Variants in TLN2 observed in about 807,000 individuals in gnomAD.
The protein encoded by TLN2 is talin-2.
Under a neutral mutation model 294.7 loss-of-function variants are expected in TLN2, and 118 were observed. The observed-to-expected ratio is 0.40, with a 90% CI of 0.34 to 0.47. The LOEUF is 0.47. Ranked by LOEUF, TLN2 falls within the 20% of genes least tolerant of loss-of-function variation. TLN2 has a pLI of 0.84. For missense variants in TLN2, 3,083 were observed against 3,282.2 expected (o/e 0.94, Z 1.48); for synonymous variants, 1,431 against 1,304.5 (o/e 1.10, Z -2.09).
intron 5 of TLN2, 51 bp downstream of exon 5, chr15:62,650,232 T>C (rs2052431777): frequency 6.3e-7 from 1 of 1,575,204 alleles, no homozygotes. Context: ...CCCTGGGCCT[T>C]CTTCCATAGA....
chr15:62,683,687 A>G (rs1260297507), intron 11 of TLN2, among the ~76,000 whole-genome samples: 1 of 152,214 alleles, frequency 6.6e-6, no homozygotes, highest in Admixed American at 6.5e-5. Flanking sequence ...ATGGCCGTCA[A>G]AAATCACAGC....
Position 62,739,448 on chromosome 15 carries a change from G to A in TLN2, c.3788G>A (p.Arg1263Gln), listed in dbSNP as rs1298847329. The A allele has an allele frequency of 1.1e-5, 17 of 1,614,158 alleles. No individual in the cohort carries two copies. Among genetic ancestry groups the A allele is most frequent in the Non-Finnish European group, 1.4e-5 (17 of 1,180,024 alleles). The change falls in exon 31 of 59, where the codon CGG (arginine) becomes CAG (glutamine). Residue 1263 changes from arginine to glutamine, a missense_variant. Coordinates refer to ENST00000636159, the MANE Select transcript of TLN2 (RefSeq NM_015059.3). ...GCTGGGGAAGTGGTCCATGCCACCC[G>A]GGGCCAGAGTGGAGAGTTGGCTGCA... ...QSAGEVVHAT[R>Q]GQSGELAAAS...
intron 7 of TLN2, among the ~76,000 whole-genome samples, chr15:62,655,216 AG>A (rs1484929511): frequency 6.6e-6 from 1 of 152,160 alleles, no homozygotes; most frequent in Non-Finnish European, 1.5e-5. Context: ...TTGTGTACTC[AG>A]GTTGCTTATA....
chr15:62,610,383 T>C (rs1055450507), intron 2 of TLN2, among the ~76,000 whole-genome samples: 2 of 152,220 alleles, frequency 1.3e-5, no homozygotes, highest in Admixed American at 1.3e-4. Flanking sequence ...TAACCTTGTT[T>C]TATGTGTGTT....
At chr15:62,790,788 C>A (rs547235550) in intron 45 of TLN2, among the ~76,000 whole-genome samples, 45 of 152,318 alleles carry the variant, frequency 3.0e-4, no homozygotes, top group African/African-American at 9.9e-4. Context: ...AAACATGTCC[C>A]GCAAACACAT....
chr15:62,466,795 T>C (rs1305862395), intron 1 of TLN2, among the ~76,000 whole-genome samples: 2 of 152,228 alleles, frequency 1.3e-5, no homozygotes, highest in African/African-American at 4.8e-5. Context: ...CTAAGGAGAT[T>C]TGATTTTGGT....
intron 7 of TLN2, among the ~76,000 whole-genome samples, chr15:62,654,490 G>A (rs1409074585): frequency 2.0e-5 from 3 of 151,822 alleles, no homozygotes; most frequent in South Asian, 2.1e-4. Context: ...GTGGTGGCTC[G>A]TGCCTGTAAT....
chr15:62,593,071 T>C (rs1277271303), intron 2 of TLN2, among the ~76,000 whole-genome samples: 1 of 152,238 alleles, frequency 6.6e-6, no homozygotes, highest in Non-Finnish European at 1.5e-5. Context: ...TAGGGAGAAT[T>C]GTTGAATCTG....
chr15:62,709,604 G>A (rs981863205), intron 21 of TLN2, among the ~76,000 whole-genome samples: 4 of 152,116 alleles, frequency 2.6e-5, no homozygotes, highest in Non-Finnish European at 4.4e-5. Context: ...AAAAACATAC[G>A]CAATACACCT....
At chr15:62,837,016 T>A (rs1014727232) in intron 57 of TLN2, among the ~76,000 whole-genome samples, 1 of 152,260 alleles carries the variant, frequency 6.6e-6, no homozygotes, top group Non-Finnish European at 1.5e-5. Context: ...AGAATTTCCC[T>A]ATACTTTGGA....
chr15:62,556,295 TTTCTC>T (rs1422817651), intron 1 of TLN2, among the ~76,000 whole-genome samples: 4 of 152,074 alleles, frequency 2.6e-5, no homozygotes, highest in Admixed American at 6.6e-5. Flanking sequence ...TTTTCTTTTT[TTTCTC>T]TTCTCTTCTC....
At chr15:62,406,049 A>G (rs549759542) in intron 1 of TLN2, among the ~76,000 whole-genome samples, 1 of 152,298 alleles carries the variant, frequency 6.6e-6, no homozygotes, top group African/African-American at 2.4e-5. Flanking sequence ...AGGTGGCCGT[A>G]TGCCTAACCA....
intron 7 of TLN2, 128 bp from the exon 8 acceptor site, chr15:62,655,816 A>G (rs2053143924): frequency 9.3e-7 from 1 of 1,080,230 alleles, no homozygotes; most frequent in South Asian, 1.8e-5. Flanking sequence ...AAAATAAGAA[A>G]TAACTATAAC....
intron 52 of TLN2, 54 bp downstream of exon 52, chr15:62,810,086 C>G: frequency 7.0e-7 from 1 of 1,434,088 alleles, no homozygotes; most frequent in South Asian, 1.2e-5. Flanking sequence ...TCTAGCTGTC[C>G]TGGCTGATTC....
rs531646063 is a variant in TLN2, at chr15:62,493,106, C to T, written c.-237-96581C>T. On this transcript the variant is annotated intron_variant, in intron 1 of 58. Coordinates refer to ENST00000636159, the MANE Select transcript of TLN2 (RefSeq NM_015059.3). ...CGGATGTTCATGGTTCAGGGAGGGA[C>T]AGATGAAGGGCGTAAATCATGATCT... is the stretch of plus-strand genomic sequence containing the variant. Among the ~76,000 whole-genome samples, 6 of 152,274 alleles carry T rather than the reference C, an allele frequency of 3.9e-5. No homozygotes were observed. The South Asian group carries it at 1.2e-3, about 32-fold the overall frequency.
chr15:62,676,580 G>C (rs7174383), intron 11 of TLN2, among the ~76,000 whole-genome samples: 5,164 of 152,206 alleles, frequency 0.034, 276 homozygotes, highest in African/African-American at 0.11. Flanking sequence ...CTCATTCAAA[G>C]CTATCAACAA....
intron 1 of TLN2, among the ~76,000 whole-genome samples, chr15:62,460,785 T>G (rs1365847990): frequency 6.6e-6 from 1 of 152,152 alleles, no homozygotes; most frequent in Non-Finnish European, 1.5e-5. Context: ...ACTGGACGAG[T>G]TGATGAATTT....
At chr15:62,532,320 C>G (rs1272518434) in intron 1 of TLN2, among the ~76,000 whole-genome samples, 1 of 152,156 alleles carries the variant, frequency 6.6e-6, no homozygotes, top group Non-Finnish European at 1.5e-5. Flanking sequence ...TAGTCTCGAA[C>G]TCCTGGCTTC....
At chr15:62,562,882 T>G (rs908849837) in intron 1 of TLN2, among the ~76,000 whole-genome samples, 1 of 149,614 alleles carries the variant, frequency 6.7e-6, no homozygotes, top group African/African-American at 2.5e-5. Context: ...CATTCATTCC[T>G]TTTTATGGCT....
Sources: allele counts gnomAD v4.1 joint callset (sites outside exome capture counted in the v4.1 genomes callset), GRCh38; gene constraint gnomAD v4.1.1; transcripts MANE v1.5; gene names NCBI Gene and HGNC (gene_info 2026-07-23, HGNC 2026-07-21).